The following SPATC1L variants were observed in gnomAD, a reference collection of about 807,000 sequenced individuals.
SPATC1L encodes the protein spermatogenesis and centriole associated 1 like, also known as speriolin-like protein.
In SPATC1L, 20 loss-of-function variants were observed where a neutral mutation model predicts 21.2. The observed-to-expected ratio is 0.94, with a 90% confidence interval of 0.66 to 1.37. The LOEUF is 1.37. Among genes scored for constraint, SPATC1L ranks in the 40% most tolerant of loss-of-function variants. The pLI is 0.00. For missense variants in SPATC1L, 499 were observed against 478.7 expected (o/e 1.04, Z -0.40); for synonymous variants, 290 against 234.5 (o/e 1.24, Z -2.16).
intron 3 of SPATC1L, 28 bp from the exon 4 acceptor site, chr21:46,162,095 TC>T: frequency 6.5e-7 from 1 of 1,543,306 alleles, no homozygotes; most frequent in African/African-American, 1.4e-5. Flanking sequence ...GGGGACAAGG[TC>T]AGGGGAGCGC....
intron 4 of SPATC1L, 63 bp from the exon 5 acceptor site, chr21:46,161,768 C>G: frequency 6.7e-7 from 1 of 1,493,332 alleles, no homozygotes; most frequent in East Asian, 2.4e-5. Context: ...GACTTCCAGG[C>G]CCAGGGCCGA....
rs190873678 is a variant in SPATC1L at position 46,175,417 on chromosome 21, G to C, written c.194-6759C>G. Reference sequence around the variant, plus strand: ...AATAAAATAGATATACCACTAGCTAGACTAATAAAGAAGAAAAGAGAAAAG... The same window carrying C: ...AATAAAATAGATATACCACTAGCTACACTAATAAAGAAGAAAAGAGAAAAG... On this transcript the variant is annotated intron_variant, in intron 2 of 4. Transcript: ENST00000291672. Among the ~76,000 whole-genome samples the C allele has an allele frequency of 2.0e-5, 3 of 152,164 alleles. No individual in the cohort carries two copies. In the East Asian group the frequency reaches 5.8e-4, roughly 29 times the overall value.
intron 3 of SPATC1L, among the ~76,000 whole-genome samples, chr21:46,163,053 C>T (rs757854267): frequency 2.6e-5 from 4 of 152,328 alleles, no homozygotes; most frequent in Non-Finnish European, 4.4e-5. Flanking sequence ...GAAACAGTAT[C>T]TCATTTGCAT....
intron 2 of SPATC1L, among the ~76,000 whole-genome samples, chr21:46,178,391 G>A (rs777245349): frequency 6.6e-6 from 1 of 152,056 alleles, no homozygotes; most frequent in African/African-American, 2.4e-5. Context: ...ACGAGAACAC[G>A]TGGACACATA....
chr21:46,163,482 T>A lies in SPATC1L; in HGVS notation c.545-1415A>T, dbSNP rs2079517757. Among the ~76,000 whole-genome samples, 7 of 152,346 alleles carry A rather than the reference T, an allele frequency of 4.6e-5. No homozygotes were observed. The South Asian group carries it at 1.4e-3, about 32-fold the overall frequency. On this transcript the variant is annotated intron_variant, in intron 3 of 4. Coordinates refer to ENST00000291672, the MANE Select transcript of SPATC1L (RefSeq NM_001142854.2). ...TACAAGTTTTCTGGCCTCAGCTCTT[T>A]GAGACCTCTTAGGTCTTTGATCCAT...
chr21:46,182,243 C>T (rs6518276), intron 2 of SPATC1L, among the ~76,000 whole-genome samples: 30,933 of 152,002 alleles, frequency 0.2, 4,137 homozygotes, highest in African/African-American at 0.38. Flanking sequence ...TCGCCCCTGA[C>T]CCAGGAGAAG....
rs2079704308 is a variant in SPATC1L, at chr21:46,184,010, G to GACCAGCCTGAA, written c.-958-237_-958-236insTTCAGGCTGGT. On this transcript the variant is annotated intron_variant, in intron 1 of 4. Transcript: ENST00000291672. ...GCCTAGGGTGGGGAGACCAGCCTGA[G>GACCAGCCTGAA]GCAGCCCCACGATGGCCCCCACATG... Among the ~76,000 whole-genome samples the GACCAGCCTGAA allele has an allele frequency of 5.9e-5, 9 of 152,270 alleles. 1 individual carries two copies. The highest frequency in any genetic ancestry group is 7.4e-5 in the Non-Finnish European group (5 of 67,986).
intron 4 of SPATC1L, 91 bp from the exon 5 acceptor site, chr21:46,161,796 TG>T: frequency 4.0e-6 from 6 of 1,492,350 alleles, no homozygotes; most frequent in Non-Finnish European, 4.5e-6. Flanking sequence ...CCCGCCCGCC[TG>T]GGTCCCCGGG....
At chr21:46,177,752 G>T (rs1051776933) in intron 2 of SPATC1L, among the ~76,000 whole-genome samples, 1 of 152,186 alleles carries the variant, frequency 6.6e-6, no homozygotes, top group African/African-American at 2.4e-5. Context: ...TCCATTACTG[G>T]TTGGGTTCCA....
intron 2 of SPATC1L, among the ~76,000 whole-genome samples, chr21:46,173,010 G>A (rs1236605959): frequency 6.6e-6 from 1 of 152,234 alleles, no homozygotes; most frequent in African/African-American, 2.4e-5. Flanking sequence ...CTAGTTGGCA[G>A]GGAGAGCTGC....
chr21:46,168,894 T>A (rs532134634), intron 2 of SPATC1L, among the ~76,000 whole-genome samples: 1 of 152,204 alleles, frequency 6.6e-6, no homozygotes, highest in South Asian at 2.1e-4. Flanking sequence ...ACTGCGTCTA[T>A]GGGCACAGCA....
chr21:46,168,220 G>T, intron 3 of SPATC1L, 88 bp downstream of exon 3: 1 of 854,966 alleles, frequency 1.2e-6, no homozygotes, highest in Non-Finnish European at 1.7e-6. Context: ...ATGGAGAAAC[G>T]GCCCTGCCTG....
rs1253956513 is a variant in SPATC1L at position 46,161,439 on chromosome 21, C to A, written c.963G>T (p.Leu321=). The A allele has an allele frequency of 3.2e-6, 5 of 1,579,586 alleles. No individual in the cohort carries two copies. The African/African-American group carries it at 4.0e-5, about 13-fold the overall frequency. ...AGAGCTCGCACAGGCAGTTGAGCAG[C>A]AGCAGCGAGTCGCCCAGGAACTTGG... ...VPPKFLGDSL[L]LLNCLCELSK... Residue 321 remains leucine, a synonymous_variant, in exon 5 of 5, where the codon CTG becomes CTT. Transcript: ENST00000291672.
intron 2 of SPATC1L, among the ~76,000 whole-genome samples, chr21:46,169,150 G>A (rs1241043348): frequency 3.3e-5 from 5 of 152,260 alleles, no homozygotes; most frequent in African/African-American, 1.2e-4. Flanking sequence ...CACACACACT[G>A]AATTTTTAAC....
intron 2 of SPATC1L, among the ~76,000 whole-genome samples, chr21:46,177,925 T>C (rs1411969397): frequency 6.6e-6 from 1 of 152,158 alleles, no homozygotes; most frequent in Non-Finnish European, 1.5e-5. Context: ...CATGGAATAT[T>C]ATGCAGCCAT....
Position 46,168,369 on chromosome 21 carries a change from C to G in SPATC1L, c.483G>C (p.Val161=). ...EPREMVRPKK[V]CFSESSLPTG... is the part of the protein sequence containing the mutation. ...TGGGCAGGCTGCTCTCCGAGAAACA[C>G]ACCTTCTTAGGCCGGACCATCTCCC... The change falls in exon 3 of 5, where the codon GTG becomes GTC. Residue 161 remains valine (V), a synonymous_variant. Transcript: ENST00000291672. The G allele has an allele frequency of 6.2e-7, 1 of 1,607,544 alleles. No homozygotes were observed. The highest frequency in any genetic ancestry group is 8.5e-7 in the Non-Finnish European group (1 of 1,174,886).
Position 46,182,845 on chromosome 21 carries a change from G to A in SPATC1L, c.-29C>T, listed in dbSNP as rs1289770053. On this transcript the variant is annotated 5_prime_UTR_variant, in exon 2 of 5. Transcript: ENST00000291672. ...GGGTGCGTCCCTCCTTGTCCCTCAC[G>A]GCTCCTGCAGCCCCATGGAGGTGGG... 1.1e-5 allele frequency: 17 copies of A among 1,491,862 alleles called. No homozygotes were observed. The highest frequency in any genetic ancestry group is 2.5e-5 in the East Asian group (1 of 39,522). The allele number at this position is 1,491,862 out of a possible 1,614,324, so 92.4% of individuals were successfully genotyped here. A position where few individuals can be genotyped will look rare whatever the true frequency, so the allele number is the denominator to read the frequency against.
intron 3 of SPATC1L, among the ~76,000 whole-genome samples, chr21:46,167,142 T>A (rs369501715): frequency 1.2e-4 from 18 of 152,226 alleles, no homozygotes; most frequent in South Asian, 6.2e-4. Context: ...TACCAACACA[T>A]AGAAATTAAA....
intron 2 of SPATC1L, among the ~76,000 whole-genome samples, chr21:46,172,234 G>A (rs1034257785): frequency 6.1e-4 from 93 of 151,676 alleles, no homozygotes; most frequent in Admixed American, 1.0e-3. Context: ...AGCACAAAGC[G>A]GGGAGGTGTG....
Sources: allele counts gnomAD v4.1 joint callset (sites outside exome capture counted in the v4.1 genomes callset), GRCh38; gene constraint gnomAD v4.1.1; transcripts MANE v1.5; gene names NCBI Gene and HGNC (gene_info 2026-07-23, HGNC 2026-07-21).